RFX7: variants seen among roughly 807,000 people sequenced by gnomAD.
RFX7 encodes the protein regulatory factor X7, also known as DNA-binding protein RFX7.
RFX7 carries 26 observed loss-of-function variants against 111.8 expected under a neutral mutation model. That is an observed-to-expected ratio of 0.23 (90% CI 0.17 to 0.32). The LOEUF (loss-of-function observed/expected upper bound fraction) is 0.32. Ranked by LOEUF, RFX7 falls within the 10% of genes least tolerant of loss-of-function variation. The probability of loss-of-function intolerance (pLI) is 1.00; values close to 1 mark genes in which losing one functional copy is unlikely to be tolerated. For missense variants in RFX7, 1,573 were observed against 1,772.9 expected, an observed-to-expected ratio of 0.89 and a Z score of 2.02; for synonymous variants, 624 against 624.4, an observed-to-expected ratio of 1.00 and a Z score of 0.01.
intron 3 of RFX7, among the ~76,000 whole-genome samples, chr15:56,159,271 T>C (rs1299661057): frequency 3.9e-5 from 6 of 152,218 alleles, no homozygotes; most frequent in African/African-American, 1.4e-4. Flanking sequence ...CGCTTCTGTA[T>C]CTTAGGTACT....
chr15:56,174,581 T>C (rs1347275596), intron 3 of RFX7, among the ~76,000 whole-genome samples: 3 of 151,936 alleles, frequency 2.0e-5, no homozygotes, highest in Non-Finnish European at 4.4e-5. Flanking sequence ...ACCCTGTCTC[T>C]ACTAAAAATA....
chr15:56,238,561 A>T (rs574267944), intron 2 of RFX7, among the ~76,000 whole-genome samples: 1 of 152,166 alleles, frequency 6.6e-6, no homozygotes, highest in Non-Finnish European at 1.5e-5. Flanking sequence ...CTCTTTCCAT[A>T]AAGTGGGCAA....
chr15:56,133,577 G>A (rs2042246941), intron 5 of RFX7, among the ~76,000 whole-genome samples: 1 of 151,946 alleles, frequency 6.6e-6, no homozygotes, highest in East Asian at 1.9e-4. Context: ...TTTCATTTAG[G>A]CACTCTAAAC....
intron 2 of RFX7, among the ~76,000 whole-genome samples, chr15:56,223,466 T>C (rs943523454): frequency 6.6e-6 from 1 of 152,156 alleles, no homozygotes; most frequent in Non-Finnish European, 1.5e-5. Context: ...AGCCCTATGG[T>C]TGGCTATCTA....
chr15:56,132,124 C>T (rs2042226134), intron 5 of RFX7, among the ~76,000 whole-genome samples: 1 of 151,878 alleles, frequency 6.6e-6, no homozygotes, highest in Non-Finnish European at 1.5e-5. Flanking sequence ...AATTAAGAAA[C>T]ATATTTCTAG....
Position 56,096,019 on chromosome 15 carries a change from C to A in RFX7, c.1709G>T (p.Gly570Val). The A allele has an allele frequency of 1.2e-6, 2 of 1,612,876 alleles. No individual in the cohort carries two copies. The highest frequency in any genetic ancestry group is 1.7e-6 in the Non-Finnish European group (2 of 1,179,452). ...KAPQTPSALL[G>V]QKSNTDGALQ... ...TGCTCCGTCTGTATTACTTTTCTGC[C>A]CCAAAAGGGCACTAGGTGTCTGGGG... The change falls in exon 10 of 10, where the codon GGG (glycine) becomes GTG (valine). Residue 570 changes from glycine to valine, a missense_variant. Coordinates refer to ENST00000559447, the MANE Select transcript of RFX7 (RefSeq NM_022841.7).
At chr15:56,155,148 A>G (rs1309400521) in intron 3 of RFX7, among the ~76,000 whole-genome samples, 2 of 152,182 alleles carry the variant, frequency 1.3e-5, no homozygotes, top group East Asian at 3.9e-4. Flanking sequence ...GAGGTTGTGG[A>G]AAAATAAGAA....
chr15:56,097,513 G>A (rs1192521967), intron 9 of RFX7, among the ~76,000 whole-genome samples: 1 of 152,110 alleles, frequency 6.6e-6, no homozygotes, highest in African/African-American at 2.4e-5. Flanking sequence ...AGTACTTTGG[G>A]AGGCCAAGGC....
In RFX7 at chr15:56,093,675, T is replaced by G. The variant is rs577872196; in HGVS notation, c.4053A>C (p.Lys1351Asn). The G allele has an allele frequency of 1.4e-4, 225 of 1,613,932 alleles. 1 individual carries two copies. In the East Asian group the frequency reaches 5.0e-3, roughly 36 times the overall value. Residue 1351 changes from lysine to asparagine, a missense_variant, in exon 10 of 10, where the codon AAA becomes AAC. Lys to Asn is a moderately conservative substitution (Grantham distance 94, BLOSUM62 0). Transcript: ENST00000559447. ...EQQLDFNSTV[K>N]DLLSGDSLQT... is the part of the protein sequence containing the mutation. ...GCAAGCTGTCTCCACTCAACAGGTC[T>G]TTAACAGTGCTATTGAAATCTAATT...
rs573516552 is a variant in RFX7, at chr15:56,125,932, C to T, written c.401+16846G>A. On this transcript the variant is annotated intron_variant, in intron 5 of 9. Transcript: ENST00000559447. The stretch of plus-strand genomic sequence containing the variant: ...AATGGTTTGGGGCTTTATTCTGTAG[C>T]AGAGGGAAGCATTAAATATAATTTG... 4.8e-4 allele frequency among the ~76,000 whole-genome samples: 73 copies of T among 152,212 alleles called. 3 individuals carry two copies. The South Asian group carries it at 0.014, about 29-fold the overall frequency.
intron 2 of RFX7, among the ~76,000 whole-genome samples, chr15:56,204,013 C>T (rs2141186884): frequency 7.1e-6 from 1 of 140,944 alleles, no homozygotes; most frequent in East Asian, 2.2e-4. Context: ...TTTTCTGTAA[C>T]AAAACCTTTT....
At chr15:56,118,683 A>G (rs762840915) in intron 5 of RFX7, among the ~76,000 whole-genome samples, 4 of 152,200 alleles carry the variant, frequency 2.6e-5, no homozygotes. Flanking sequence ...TTTGATATCC[A>G]GATTTCCTTT....
At chr15:56,216,083 G>C (rs1179522794) in intron 2 of RFX7, among the ~76,000 whole-genome samples, 1 of 152,158 alleles carries the variant, frequency 6.6e-6, no homozygotes, top group Non-Finnish European at 1.5e-5. Context: ...CTTTTCTTCT[G>C]TTAGAATTGC....
intron 1 of RFX7, 44 bp from the exon 2 acceptor site, chr15:56,243,331 G>C (rs2043735199): frequency 1.9e-6 from 2 of 1,049,716 alleles, no homozygotes; most frequent in Non-Finnish European, 2.4e-6. Flanking sequence ...GGGGGCGCGG[G>C]GAAGGGTGAG....
chr15:56,094,235 G>T lies in RFX7; in HGVS notation c.3493C>A (p.Arg1165=), dbSNP rs754509572. ...CGATGAACAGCAGGGCTCACACTCC[G>T]GCATCTGAAGTTGCTGCTGGCAGAT... ...NSSASSNFRC[R]SVSPAVHRQR... The change falls in exon 10 of 10, where the codon CGG becomes AGG. Residue 1165 remains arginine, a synonymous_variant. Transcript: ENST00000559447. 7 of 1,613,912 alleles carry T rather than the reference G, an allele frequency of 4.3e-6. No individual in the cohort carries two copies. The highest frequency in any genetic ancestry group is 5.9e-6 in the Non-Finnish European group (7 of 1,179,844).
At chr15:56,221,627 GTCT>G (rs1175245162) in intron 2 of RFX7, among the ~76,000 whole-genome samples, 1 of 151,896 alleles carries the variant, frequency 6.6e-6, no homozygotes, top group Non-Finnish European at 1.5e-5. Flanking sequence ...CTCATTTCCT[GTCT>G]TCTTTATTAT....
intron 2 of RFX7, among the ~76,000 whole-genome samples, chr15:56,180,497 T>C (rs1210696874): frequency 6.6e-6 from 1 of 152,198 alleles, no homozygotes; most frequent in African/African-American, 2.4e-5. Flanking sequence ...ATTTTTTCTC[T>C]CTTCTCAATA....
chr15:56,180,921 AAAAAT>A (rs1183558119), intron 2 of RFX7, among the ~76,000 whole-genome samples: 1 of 152,136 alleles, frequency 6.6e-6, no homozygotes. Flanking sequence ...CGTCTCCAAA[AAAAAT>A]AAAACAAAAT....
At chr15:56,105,874 AG>A (rs2140535220) in intron 5 of RFX7, among the ~76,000 whole-genome samples, 1 of 152,302 alleles carries the variant, frequency 6.6e-6, no homozygotes, top group Non-Finnish European at 1.5e-5. Flanking sequence ...AAATTAGGAG[AG>A]GGGGCAATTA....
Sources: gnomAD v4.1 joint callset for allele counts (sites outside exome capture counted in the v4.1 genomes callset) on GRCh38, gnomAD v4.1.1 for gene constraint, MANE v1.5 for transcripts, NCBI Gene and HGNC (gene_info 2026-07-23, HGNC 2026-07-21) for gene names.